PTPRE: variants seen among roughly 807,000 people sequenced by gnomAD.
The protein encoded by PTPRE is receptor-type tyrosine-protein phosphatase epsilon.
Under a neutral mutation model 102.0 loss-of-function variants are expected in PTPRE, and 51 were observed. The observed-to-expected ratio is 0.50, with a 90% CI of 0.40 to 0.63. The LOEUF is 0.63. PTPRE is among the 30% of genes least tolerant of loss of function. PTPRE has a pLI of 0.00. For synonymous variants in PTPRE, 345 were observed against 348.2 expected (o/e 0.99, Z 0.10); for missense variants, 752 against 915.1 (o/e 0.82, Z 2.30).
At chr10:127,914,815 C>G (rs1275600996) in intron 1 of PTPRE, among the ~76,000 whole-genome samples, 1 of 152,186 alleles carries the variant, frequency 6.6e-6, no homozygotes, top group Non-Finnish European at 1.5e-5. Context: ...CCCTTTCAAC[C>G]TGGAATGTGA....
Position 128,084,924 on chromosome 10 carries a change from T to G in PTPRE, c.*2018T>G. The G allele has an allele frequency of 3.7e-6, 1 of 266,730 alleles. No individual in the cohort carries two copies. Among genetic ancestry groups the G allele is most frequent in the South Asian group, 3.5e-5 (1 of 28,800 alleles). 16.5% of individuals were successfully genotyped at this position (266,730 alleles called of 1,614,324 possible). ...AAGCCCTTTAATGGTCTAACTGGCA[T>G]CTCTTGTATCAAGAAGTACCTTTAA... On this transcript the variant is annotated 3_prime_UTR_variant, in exon 21 of 21. Coordinates refer to ENST00000254667, the MANE Select transcript of PTPRE (RefSeq NM_006504.6).
chr10:128,060,987 C>G lies in PTPRE; in HGVS notation c.560C>G (p.Ser187Ter). 2 of 1,614,112 alleles carry G rather than the reference C, an allele frequency of 1.2e-6. No individual in the cohort carries two copies. Among genetic ancestry groups the G allele is most frequent in the African/African-American group, 2.7e-5 (2 of 75,034 alleles). ...AGCCAACTGGATGGAATTCCCTGTT[C>G]AGACTACATCAATGCTTCCTACATA... Reference protein sequence around the residue: ...ILSQLDGIPCSDYINASYIDG... With the variant: ...ILSQLDGIPC Residue 187 changes from serine to a stop codon, truncating the protein, a stop_gained, in exon 8 of 21, where the codon TCA (serine) becomes TGA (stop). Transcript: ENST00000254667. LOFTEE classifies it high-confidence loss of function.
intron 2 of PTPRE, among the ~76,000 whole-genome samples, chr10:128,039,936 C>G (rs985643170): frequency 6.6e-6 from 1 of 152,212 alleles, no homozygotes; most frequent in Admixed American, 6.5e-5. Context: ...TAGCGATGCT[C>G]TGATGTTTTG....
intron 1 of PTPRE, among the ~76,000 whole-genome samples, chr10:127,910,747 T>C (rs539499931): frequency 6.6e-6 from 1 of 152,200 alleles, no homozygotes; most frequent in Non-Finnish European, 1.5e-5. Flanking sequence ...TGGTTATCTT[T>C]CCCCTACAAC....
chr10:127,977,181 C>G (rs1851244756), intron 1 of PTPRE, among the ~76,000 whole-genome samples: 1 of 152,160 alleles, frequency 6.6e-6, no homozygotes, highest in South Asian at 2.1e-4. Context: ...TTGGGAAAAA[C>G]TGGAGTCCAA....
intron 6 of PTPRE, among the ~76,000 whole-genome samples, chr10:128,053,392 A>C (rs973748418): frequency 6.6e-6 from 1 of 152,252 alleles, no homozygotes; most frequent in Non-Finnish European, 1.5e-5. Context: ...GCAAGCCCCA[A>C]GCAAGACACT....
chr10:128,032,111 G>A (rs969099541), intron 2 of PTPRE, among the ~76,000 whole-genome samples: 1 of 152,138 alleles, frequency 6.6e-6, no homozygotes, highest in African/African-American at 2.4e-5. Context: ...CGCCTCCTGG[G>A]TTCAAGCAAT....
At chr10:128,026,291 G>T (rs534716638) in intron 2 of PTPRE, among the ~76,000 whole-genome samples, 1 of 152,272 alleles carries the variant, frequency 6.6e-6, no homozygotes, top group African/African-American at 2.4e-5. Context: ...GGCACTGCCT[G>T]TCTGGGCTAC....
At chr10:128,019,088 G>A (rs1384608079) in intron 2 of PTPRE, among the ~76,000 whole-genome samples, 2 of 152,240 alleles carry the variant, frequency 1.3e-5, no homozygotes, top group East Asian at 3.9e-4. Flanking sequence ...TTTTACCCCA[G>A]GCATTGGGGC....
intron 2 of PTPRE, among the ~76,000 whole-genome samples, chr10:127,995,820 C>T (rs1039093448): frequency 2.2e-4 from 26 of 120,360 alleles, no homozygotes; most frequent in South Asian, 1.1e-3. Context: ...CAACTCTACA[C>T]GAGCACACAC....
intron 11 of PTPRE, among the ~76,000 whole-genome samples, chr10:128,067,638 C>T (rs1850377313): frequency 6.6e-6 from 1 of 152,246 alleles, no homozygotes; most frequent in Non-Finnish European, 1.5e-5. Context: ...GGCTCTGGGT[C>T]CAAAAGCTGA....
At chr10:128,081,512 A>C (rs1851708140) in intron 20 of PTPRE, among the ~76,000 whole-genome samples, 1 of 152,244 alleles carries the variant, frequency 6.6e-6, no homozygotes, top group Non-Finnish European at 1.5e-5. Context: ...TTAGCTATGA[A>C]AACAGAGTAA....
chr10:128,057,708 G>T (rs1381859819), intron 7 of PTPRE, among the ~76,000 whole-genome samples: 1 of 152,204 alleles, frequency 6.6e-6, no homozygotes, highest in East Asian at 1.9e-4. Context: ...TGTAGGGGTG[G>T]CCAAGGCAAC....
rs755155641 is a variant in PTPRE at position 128,077,834 on chromosome 10, C to T, written c.1892+51C>T. On this transcript the variant is annotated intron_variant, in intron 19 of 20. Coordinates refer to ENST00000254667, the MANE Select transcript of PTPRE (RefSeq NM_006504.6). ...AGGTGGGGTGGACACAGGCTGCACC[C>T]CCCCAGTACCCGCAGCTGTGGGCAG... 43 of 1,539,258 alleles carry T rather than the reference C, an allele frequency of 2.8e-5. No homozygotes were observed. The African/African-American group carries it at 5.7e-4, about 20-fold the overall frequency.
chr10:128,034,329 C>A (rs1353035713), intron 2 of PTPRE, among the ~76,000 whole-genome samples: 1 of 151,902 alleles, frequency 6.6e-6, no homozygotes, highest in African/African-American at 2.4e-5. Flanking sequence ...CACACCACCC[C>A]CCCCACCGAC....
chr10:127,915,473 A>G (rs1179260771), intron 1 of PTPRE, among the ~76,000 whole-genome samples: 5 of 152,254 alleles, frequency 3.3e-5, no homozygotes, highest in Admixed American at 2.6e-4. Context: ...CCCTTCGTTC[A>G]GTGCTTCAGT....
At chr10:127,967,550 C>A (rs1366258533) in intron 1 of PTPRE, among the ~76,000 whole-genome samples, 2 of 152,194 alleles carry the variant, frequency 1.3e-5, no homozygotes, top group African/African-American at 4.8e-5. Flanking sequence ...TGAGGCCTTC[C>A]CAGCCATGTG....
chr10:127,910,108 T>A (rs1665559138), intron 1 of PTPRE, among the ~76,000 whole-genome samples: 1 of 152,238 alleles, frequency 6.6e-6, no homozygotes, highest in African/African-American at 2.4e-5. Flanking sequence ...AAAGCAGGAA[T>A]GAATGTATCC....
At chr10:127,955,918 G>A (rs778303730) in intron 1 of PTPRE, among the ~76,000 whole-genome samples, 25 of 152,134 alleles carry the variant, frequency 1.6e-4, no homozygotes, top group Admixed American at 4.6e-4. Context: ...ATCAGATCTC[G>A]TGAGAACTCA....
Sources: gnomAD v4.1 joint callset for allele counts (sites outside exome capture counted in the v4.1 genomes callset) on GRCh38, gnomAD v4.1.1 for gene constraint, MANE v1.5 for transcripts, NCBI Gene and HGNC (gene_info 2026-07-23, HGNC 2026-07-21) for gene names.